The following EML5 variants were observed in gnomAD, a reference collection of about 807,000 sequenced individuals.
The protein encoded by EML5 is echinoderm microtubule-associated protein-like 5.
Under a neutral mutation model 250.0 loss-of-function variants are expected in EML5, and 120 were observed. The ratio of observed to expected loss-of-function variants is 0.48; its 90% CI spans 0.41 to 0.56. The LOEUF (loss-of-function observed/expected upper bound fraction) is 0.56, where lower values mean the gene tolerates loss of function less well. EML5 is among the 20% of genes least tolerant of loss of function. The pLI, the probability that EML5 is intolerant of heterozygous loss-of-function variation, is 0.00. For missense variants in EML5, 2,006 were observed against 2,437.6 expected, an observed-to-expected ratio of 0.82 and a Z score of 3.73; for synonymous variants, 771 against 806.5, an observed-to-expected ratio of 0.96 and a Z score of 0.75.
intron 19 of EML5, among the ~76,000 whole-genome samples, chr14:88,686,056 T>C (rs1215598263): frequency 1.3e-5 from 2 of 152,024 alleles, no homozygotes; most frequent in Non-Finnish European, 2.9e-5. Flanking sequence ...ACAGACCCTG[T>C]GTTAGGGGCA....
intron 10 of EML5, among the ~76,000 whole-genome samples, chr14:88,708,219 T>G (rs1239747203): frequency 6.6e-6 from 1 of 152,192 alleles, no homozygotes; most frequent in Non-Finnish European, 1.5e-5. Flanking sequence ...TTTTAATAAC[T>G]TGTTCTGATA....
chr14:88,650,631 T>C (rs2091574427), intron 27 of EML5, among the ~76,000 whole-genome samples: 1 of 151,976 alleles, frequency 6.6e-6, no homozygotes, highest in Admixed American at 6.6e-5. Context: ...TGTTTTTAAT[T>C]TTTTTTTCAT....
intron 14 of EML5, among the ~76,000 whole-genome samples, chr14:88,697,422 AG>A (rs2093104950): frequency 6.6e-6 from 1 of 152,240 alleles, no homozygotes; most frequent in African/African-American, 2.4e-5. Flanking sequence ...CAGAAAGCAC[AG>A]AACTTGAATA....
intron 1 of EML5, among the ~76,000 whole-genome samples, chr14:88,766,375 G>A (rs1157785903): frequency 6.6e-6 from 1 of 152,190 alleles, no homozygotes; most frequent in Admixed American, 6.5e-5. Context: ...CCCTGAGAAA[G>A]AGAATGTGTT....
At chr14:88,655,138 T>A (rs1018564522) in intron 27 of EML5, among the ~76,000 whole-genome samples, 1 of 152,124 alleles carries the variant, frequency 6.6e-6, no homozygotes, top group Admixed American at 6.6e-5. Context: ...GTAAATTTCA[T>A]ATGAAACTAA....
intron 28 of EML5, 109 bp from the exon 29 acceptor site, chr14:88,647,064 A>G (rs986142037): frequency 1.9e-6 from 2 of 1,025,714 alleles, no homozygotes; most frequent in South Asian, 3.2e-5. Context: ...TAATGCAGAC[A>G]GCTATATTGC....
chr14:88,782,176 A>G (rs1072353), intron 1 of EML5, among the ~76,000 whole-genome samples: 97,294 of 152,116 alleles, frequency 0.64, 33,149 homozygotes, highest in East Asian at 0.94. Flanking sequence ...TGGAGAAGAG[A>G]AACTTGTTGG....
At position 88,792,229 on chromosome 14, in the gene EML5, G is replaced by A; in HGVS notation, c.197+78C>T. The A allele has an allele frequency of 6.6e-7, 1 of 1,504,106 alleles. No individual in the cohort carries two copies. Among genetic ancestry groups the A allele is most frequent in the South Asian group, 1.2e-5 (1 of 81,288 alleles). The allele number at this position is 1,504,106 out of a possible 1,614,324, so 93.2% of individuals were successfully genotyped here. On this transcript the variant is annotated intron_variant, in intron 1 of 43. Transcript: ENST00000554922. This position sits in a 1 kb window ranked among gnomAD's most constrained non-coding sequence, Gnocchi z 6.9. ...TGATGCTCCGTGCAGGAGCGGTCAC[G>A]GCGTCCAGAGGAACCCGCGGGTGCA... is the stretch of plus-strand genomic sequence containing the variant.
intron 10 of EML5, among the ~76,000 whole-genome samples, chr14:88,707,566 T>C (rs1462374920): frequency 6.6e-6 from 1 of 152,166 alleles, no homozygotes; most frequent in South Asian, 2.1e-4. Context: ...TATTAAGTTA[T>C]AGAAGACTTG....
intron 1 of EML5, among the ~76,000 whole-genome samples, chr14:88,770,515 C>A (rs1009768089): frequency 6.6e-6 from 1 of 151,946 alleles, no homozygotes; most frequent in Non-Finnish European, 1.5e-5. Context: ...AAGATAAGAA[C>A]GTTTCTGAAA....
At position 88,633,995 on chromosome 14, in the gene EML5, G is replaced by T. The variant is rs1455624552; in HGVS notation, c.4357+474C>A. 4.6e-5 allele frequency among the ~76,000 whole-genome samples: 7 copies of T among 152,184 alleles called. No individual in the cohort carries two copies. The East Asian group carries it at 1.2e-3, about 25-fold the overall frequency. On this transcript the variant is annotated intron_variant, in intron 33 of 43. Transcript: ENST00000554922. ...ATTCTTCATTAAAAAAAATCCGCAAGTTTTTTATAGAGTAACAAGATACTT... is the reference window on the plus strand; with the variant it reads ...ATTCTTCATTAAAAAAAATCCGCAATTTTTTTATAGAGTAACAAGATACTT...
chr14:88,616,671 A>G (rs1265746961), intron 42 of EML5, 55 bp downstream of exon 42: 6 of 1,513,546 alleles, frequency 4.0e-6, no homozygotes, highest in Non-Finnish European at 5.4e-6. Flanking sequence ...AGTGCTGATG[A>G]TAAGACATCA....
At chr14:88,665,563 A>T in intron 21 of EML5, 74 bp from the exon 22 acceptor site, 1 of 1,587,260 alleles carries the variant, frequency 6.3e-7, no homozygotes, top group Non-Finnish European at 8.6e-7. Flanking sequence ...GTGGTGGCTC[A>T]TGCCTATAAT....
chr14:88,642,920 C>T lies in EML5; in HGVS notation c.4210G>A (p.Val1404Ile). ...GDDIIYHTAS[V>I]GILHNVATGS... ...GTAGCAACATTGTGCAGAATTCCAACAGATGCAGTGTGATAAATTATATCA... is the reference window on the plus strand; with the variant it reads ...GTAGCAACATTGTGCAGAATTCCAATAGATGCAGTGTGATAAATTATATCA... The change falls in exon 31 of 44, where the codon GTT becomes ATT. Residue 1404 changes from valine to isoleucine, a missense_variant. Around this residue, in one of 7 missense-constraint regions of EML5, gnomAD observed 1,375 missense variants for 1,590.3 expected, o/e 0.86. Coordinates refer to ENST00000554922, the MANE Select transcript of EML5 (RefSeq NM_183387.3). 1 of 1,605,854 alleles carries T rather than the reference C, an allele frequency of 6.2e-7. No individual in the cohort carries two copies. The highest frequency in any genetic ancestry group is 1.1e-5 in the South Asian group (1 of 88,902).
At chr14:88,733,791 C>T (rs1001711780) in intron 7 of EML5, among the ~76,000 whole-genome samples, 1 of 152,026 alleles carries the variant, frequency 6.6e-6, no homozygotes, top group African/African-American at 2.4e-5. Flanking sequence ...ACTTCTTACA[C>T]TAAAGGAAGC....
chr14:88,706,543 GA>G, intron 10 of EML5, 117 bp from the exon 11 acceptor site: 1 of 750,858 alleles, frequency 1.3e-6, no homozygotes, highest in Admixed American at 3.8e-5. Flanking sequence ...AAACAAATGG[GA>G]AAAATGCTGA....
At chr14:88,732,419 G>A (rs1026058874) in intron 7 of EML5, among the ~76,000 whole-genome samples, 2 of 152,136 alleles carry the variant, frequency 1.3e-5, no homozygotes, top group Non-Finnish European at 2.9e-5. Flanking sequence ...TGTTCCATTG[G>A]TCTATATCTC....
chr14:88,765,394 G>GCTCACCTC (rs1353781064), intron 1 of EML5, among the ~76,000 whole-genome samples: 2 of 152,154 alleles, frequency 1.3e-5, no homozygotes, highest in East Asian at 3.9e-4. Context: ...AGGGGGAACT[G>GCTCACCTC]CTCACCTCCT....
In EML5 at chr14:88,754,461, A is replaced by T; in HGVS notation, c.357+51T>A. On this transcript the variant is annotated intron_variant, in intron 2 of 43. Transcript: ENST00000554922. ...ATTTATAGATTTATAATCATTTTCT[A>T]TAATATACCTTAACATACAATTTAG... 20 of 1,453,544 alleles carry T rather than the reference A, an allele frequency of 1.4e-5. 1 individual carries two copies. In the South Asian group the frequency reaches 2.8e-4, roughly 21 times the overall value. The allele number at this position is 1,453,544 out of a possible 1,614,324, so 90.0% of individuals were successfully genotyped here.
Sources: gnomAD v4.1 joint callset for allele counts (sites outside exome capture counted in the v4.1 genomes callset) on GRCh38, gnomAD v4.1.1 for gene constraint, gnomAD v4.1.1 regional missense constraint, Gnocchi (gnomAD v3.1) non-coding constraint, MANE v1.5 for transcripts, NCBI Gene and HGNC (gene_info 2026-07-23, HGNC 2026-07-21) for gene names.